Variants in PDS5A observed in about 807,000 individuals in gnomAD.
PDS5A encodes PDS5 cohesin associated factor A, also known as sister chromatid cohesion protein PDS5 homolog A.
A neutral mutation model predicts 167.1 loss-of-function variants in PDS5A; 42 were observed. The observed-to-expected ratio is 0.25, with a 90% confidence interval of 0.20 to 0.33. The LOEUF (loss-of-function observed/expected upper bound fraction) is 0.33. PDS5A is among the 10% of genes least tolerant of loss of function. The pLI, the probability that PDS5A is intolerant of heterozygous loss-of-function variation, is 1.00. For missense variants in PDS5A, 1,033 were observed against 1,605.9 expected (o/e 0.64, Z 6.10); for synonymous variants, 553 against 554.6 (o/e 1.00, Z 0.04).
chr4:39,890,898 T>C (rs1001914032), intron 16 of PDS5A, among the ~76,000 whole-genome samples: 13 of 152,094 alleles, frequency 8.5e-5, no homozygotes, highest in African/African-American at 2.9e-4. Context: ...ATTACAGGCG[T>C]GAGCCACCAC....
intron 2 of PDS5A, among the ~76,000 whole-genome samples, chr4:39,930,739 T>A (rs1725984014): frequency 6.6e-6 from 1 of 151,926 alleles, no homozygotes; most frequent in African/African-American, 2.4e-5. Context: ...ATATCAAAAG[T>A]GTGATAGTAA....
intron 26 of PDS5A, 67 bp from the exon 27 acceptor site, chr4:39,849,719 T>A: frequency 9.7e-7 from 1 of 1,031,364 alleles, no homozygotes. Context: ...ATAAATATGT[T>A]AGCTGGGAAT....
chr4:39,908,462 T>C lies in PDS5A; in HGVS notation c.1166A>G (p.Lys389Arg). The C allele has an allele frequency of 6.2e-7, 1 of 1,606,890 alleles. No individual in the cohort carries two copies. The highest frequency in any genetic ancestry group is 8.5e-7 in the Non-Finnish European group (1 of 1,173,464). Residue 389 changes from lysine to arginine, a missense_variant, in exon 11 of 33, where the codon AAG becomes AGG. By Grantham distance (26) the Lys-to-Arg change is conservative. This residue lies in a region of PDS5A where 388 missense variants were observed against 615.1 expected (regional missense o/e 0.63). Coordinates refer to ENST00000303538, the MANE Select transcript of PDS5A (RefSeq NM_001100399.2). ...DVIVTIITAA[K>R]RDLALVNDQL... Reference sequence around the variant, plus strand: ...ATCATTTACTAAGGCCAGGTCCCTCTTGGCAGCTGTTATTATAGTAACAAT... The same window carrying C: ...ATCATTTACTAAGGCCAGGTCCCTCCTGGCAGCTGTTATTATAGTAACAAT...
chr4:39,903,263 T>A (rs1233693737), intron 12 of PDS5A, among the ~76,000 whole-genome samples: 1 of 152,240 alleles, frequency 6.6e-6, no homozygotes, highest in Non-Finnish European at 1.5e-5. Context: ...CCTGTGTACA[T>A]CTGATTATTG....
intron 32 of PDS5A, among the ~76,000 whole-genome samples, chr4:39,827,578 G>A (rs1578555710): frequency 6.6e-6 from 1 of 152,244 alleles, no homozygotes; most frequent in East Asian, 1.9e-4. Context: ...ACACATTTGA[G>A]GATATATACT....
chr4:39,891,481 T>G (rs1317969983), intron 16 of PDS5A, among the ~76,000 whole-genome samples: 1 of 151,730 alleles, frequency 6.6e-6, no homozygotes, highest in Non-Finnish European at 1.5e-5. Context: ...AAACCCCATC[T>G]CTATTAAAAA....
chr4:39,953,440 A>G (rs944455136), intron 2 of PDS5A, among the ~76,000 whole-genome samples: 2 of 136,534 alleles, frequency 1.5e-5, no homozygotes, highest in African/African-American at 5.6e-5. Context: ...TTTTTTTTTC[A>G]TTCCAACACA....
intron 2 of PDS5A, among the ~76,000 whole-genome samples, chr4:39,930,246 A>AAAAAGTTTTTT: frequency 6.4e-5 from 6 of 93,084 alleles, no homozygotes; most frequent in Non-Finnish European, 1.1e-4. Context: ...AAAAAAAAAA[A>AAAAAGTTTTTT]GTTTTTTTGT....
intron 3 of PDS5A, 44 bp from the exon 4 acceptor site, chr4:39,926,905 C>T (rs1315191823): frequency 6.8e-6 from 9 of 1,331,710 alleles, no homozygotes; most frequent in Non-Finnish European, 8.9e-6. Flanking sequence ...AAATACTTTT[C>T]TTTCACAACA....
chr4:39,953,331 T>G (rs11721478), intron 2 of PDS5A, among the ~76,000 whole-genome samples: 3 of 152,046 alleles, frequency 2.0e-5, no homozygotes, highest in Non-Finnish European at 2.9e-5. Context: ...ACCTAGGTTG[T>G]TGGTATGAAA....
At chr4:39,854,171 T>C (rs1397909167) in intron 26 of PDS5A, among the ~76,000 whole-genome samples, 1 of 152,058 alleles carries the variant, frequency 6.6e-6, no homozygotes, top group African/African-American at 2.4e-5. Context: ...GGCATCGTGG[T>C]GCATGCCTGT....
chr4:39,921,559 A>G (rs1456374029), intron 6 of PDS5A, among the ~76,000 whole-genome samples: 7 of 150,550 alleles, frequency 4.6e-5, no homozygotes, highest in Non-Finnish European at 4.4e-5. Context: ...AACATAGCGA[A>G]ACCCTGTTTC....
At chr4:39,867,774 A>ACACACACACACCCCCC (rs369419469) in intron 22 of PDS5A, among the ~76,000 whole-genome samples, 1 of 108,524 alleles carries the variant, frequency 9.2e-6, no homozygotes, top group East Asian at 2.4e-4. Flanking sequence ...ACACACACAC[A>ACACACACACACCCCCC]CCCCACAACT....
chr4:39,932,487 G>T (rs1164428754), intron 2 of PDS5A: 1 of 227,218 alleles, frequency 4.4e-6, no homozygotes, highest in East Asian at 1.1e-4. Flanking sequence ...TGGTGGCTGT[G>T]AAGGTCCTGA....
intron 16 of PDS5A, among the ~76,000 whole-genome samples, chr4:39,895,627 C>A (rs980683547): frequency 2.0e-5 from 3 of 152,226 alleles, no homozygotes; most frequent in East Asian, 3.9e-4. Context: ...TTAGGCAGCA[C>A]GATATTTAAA....
rs777287409 is a variant in PDS5A, at chr4:39,954,670, T to TAAAAAAA, written c.138+21763_138+21769dup. The stretch of plus-strand genomic sequence containing the variant: ...TAAGTACCCATTGTCAAGAGATAAG[T>TAAAAAAA]AAAAAAAAAAAAAAAAAAAAAAAAA... On this transcript the variant is annotated intron_variant, in intron 2 of 32. Coordinates refer to ENST00000303538, the MANE Select transcript of PDS5A (RefSeq NM_001100399.2). 1.2e-4 allele frequency among the ~76,000 whole-genome samples: 6 copies of TAAAAAAA among 48,272 alleles called. No homozygotes were observed. In the East Asian group the frequency reaches 2.3e-3, roughly 18 times the overall value. The allele number at this position is 48,272 out of a possible 152,430, so 31.7% of individuals were successfully genotyped here.
intron 2 of PDS5A, among the ~76,000 whole-genome samples, chr4:39,935,885 A>G (rs1490296602): frequency 6.6e-6 from 1 of 152,244 alleles, no homozygotes; most frequent in Non-Finnish European, 1.5e-5. Context: ...TTAAGAATTT[A>G]CTGAAAACAT....
At chr4:39,916,920 C>T in intron 8 of PDS5A, 128 bp downstream of exon 8, 1 of 481,062 alleles carries the variant, frequency 2.1e-6, no homozygotes, top group Non-Finnish European at 3.6e-6. Context: ...TCTACAGTTA[C>T]AGAAAAATTA....
At chr4:39,898,561 AG>A (rs1417864020) in intron 15 of PDS5A, 33 bp from the exon 16 acceptor site, 14 of 1,314,490 alleles carry the variant, frequency 1.1e-5, no homozygotes, top group Admixed American at 2.8e-5. Context: ...ATATTAGAGA[AG>A]GAAAAAAAAA....
Sources: allele counts gnomAD v4.1 joint callset (sites outside exome capture counted in the v4.1 genomes callset), GRCh38; gene constraint gnomAD v4.1.1; regional missense constraint gnomAD v4.1.1; transcripts MANE v1.5; gene names NCBI Gene and HGNC (gene_info 2026-07-23, HGNC 2026-07-21).